The following CA10 variants were observed in gnomAD, a reference collection of about 807,000 sequenced individuals.
CA10 encodes carbonic anhydrase 10 (inactive), also known as carbonic anhydrase-related protein 10.
Under a neutral mutation model 44.2 loss-of-function variants are expected in CA10, and 14 were observed. The ratio of observed to expected loss-of-function variants is 0.32; its 90% CI spans 0.21 to 0.50. The LOEUF (loss-of-function observed/expected upper bound fraction) is 0.50. Among genes scored for constraint, CA10 ranks in the 20% least tolerant of loss-of-function variants. The pLI is 0.99. For synonymous variants in CA10, 159 were observed against 141.6 expected, an observed-to-expected ratio of 1.12 and a Z score of -0.87; for missense variants, 350 against 409.7, an observed-to-expected ratio of 0.85 and a Z score of 1.26.
At chr17:51,733,186 T>G (rs1254256383) in intron 4 of CA10, among the ~76,000 whole-genome samples, 1 of 152,204 alleles carries the variant, frequency 6.6e-6, no homozygotes, top group Non-Finnish European at 1.5e-5. Context: ...GGCTTAGTTA[T>G]ATGAATTTTT....
At chr17:52,048,163 G>C (rs1226646537) in intron 2 of CA10, among the ~76,000 whole-genome samples, 2 of 151,924 alleles carry the variant, frequency 1.3e-5, no homozygotes, top group African/African-American at 4.8e-5. Context: ...ATCTGCAAAA[G>C]TCTTAACTTT....
intron 3 of CA10, among the ~76,000 whole-genome samples, chr17:51,883,869 T>C (rs543419406): frequency 3.9e-5 from 6 of 152,274 alleles, no homozygotes; most frequent in Admixed American, 2.6e-4. Flanking sequence ...TACCTCCTAT[T>C]TGGGGTCTCC....
intron 3 of CA10, among the ~76,000 whole-genome samples, chr17:51,789,096 C>A (rs554697568): frequency 6.6e-6 from 1 of 152,102 alleles, no homozygotes; most frequent in African/African-American, 2.4e-5. Context: ...ATCACTGCAG[C>A]CTCTGCCTCC....
intron 2 of CA10, among the ~76,000 whole-genome samples, chr17:51,969,186 A>G (rs1306783941): frequency 6.6e-6 from 1 of 151,794 alleles, no homozygotes; most frequent in Non-Finnish European, 1.5e-5. Context: ...TCCACTCAAC[A>G]CTCCCACCAC....
intron 4 of CA10, among the ~76,000 whole-genome samples, chr17:51,654,193 G>A (rs559283692): frequency 1.3e-4 from 20 of 152,106 alleles, no homozygotes; most frequent in African/African-American, 4.8e-4. Context: ...CCATGACTGG[G>A]ATGAAACTGG....
chr17:51,722,618 C>A (rs1413527942), intron 4 of CA10, among the ~76,000 whole-genome samples: 2 of 152,154 alleles, frequency 1.3e-5, no homozygotes, highest in African/African-American at 4.8e-5. Flanking sequence ...TAACAGTGTG[C>A]CATGGACTTT....
intron 4 of CA10, among the ~76,000 whole-genome samples, chr17:51,727,997 C>T (rs1280071619): frequency 6.6e-6 from 1 of 152,048 alleles, no homozygotes; most frequent in Non-Finnish European, 1.5e-5. Context: ...GCAATCTTCC[C>T]ACCTCAGTCC....
chr17:51,652,242 C>T (rs1913600395), intron 5 of CA10, among the ~76,000 whole-genome samples: 1 of 152,166 alleles, frequency 6.6e-6, no homozygotes, highest in African/African-American at 2.4e-5. Flanking sequence ...CTGTAAGATA[C>T]AACACGAATG....
At chr17:51,713,302 T>C (rs1175433990) in intron 4 of CA10, among the ~76,000 whole-genome samples, 1 of 152,202 alleles carries the variant, frequency 6.6e-6, no homozygotes, top group African/African-American at 2.4e-5. Flanking sequence ...GAGCCTATAA[T>C]TGGCCATTTC....
intron 3 of CA10, among the ~76,000 whole-genome samples, chr17:51,749,570 T>C (rs1217640315): frequency 2.0e-5 from 3 of 152,244 alleles, no homozygotes; most frequent in African/African-American, 7.2e-5. Flanking sequence ...GGCTTGGAGC[T>C]AAATGATTAT....
chr17:51,708,173 C>T (rs936363435), intron 4 of CA10, among the ~76,000 whole-genome samples: 10 of 152,084 alleles, frequency 6.6e-5, no homozygotes, highest in African/African-American at 1.2e-4. Context: ...TCAGGAGCTT[C>T]GAAAGGAGGC....
chr17:51,935,298 T>A (rs123527), intron 2 of CA10, among the ~76,000 whole-genome samples: 82,540 of 152,032 alleles, frequency 0.54, 22,952 homozygotes, highest in African/African-American at 0.59. Flanking sequence ...GTTTAAACTT[T>A]TATTTTTAAA....
At chr17:51,655,595 A>G (rs1390296587) in intron 4 of CA10, among the ~76,000 whole-genome samples, 2 of 152,240 alleles carry the variant, frequency 1.3e-5, no homozygotes, top group African/African-American at 4.8e-5. Flanking sequence ...GTGCCTGTCT[A>G]TGCCTTCTCA....
intron 2 of CA10, among the ~76,000 whole-genome samples, chr17:51,954,249 C>T (rs1260429560): frequency 6.6e-6 from 1 of 152,150 alleles, no homozygotes; most frequent in South Asian, 2.1e-4. Context: ...CCAATGCTCC[C>T]TCTCCTAAAT....
At chr17:51,776,162 C>T (rs1905811898) in intron 3 of CA10, among the ~76,000 whole-genome samples, 1 of 152,064 alleles carries the variant, frequency 6.6e-6, no homozygotes, top group South Asian at 2.1e-4. Flanking sequence ...GAGTTTGATA[C>T]CAGCCTGACC....
intron 1 of CA10, among the ~76,000 whole-genome samples, chr17:52,096,713 A>C (rs1444513933): frequency 6.6e-6 from 1 of 152,040 alleles, no homozygotes; most frequent in African/African-American, 2.4e-5. Flanking sequence ...TTGAAGTTCT[A>C]CTCTGTATGC....
intron 2 of CA10, among the ~76,000 whole-genome samples, chr17:51,998,963 A>G (rs972561749): frequency 4.6e-5 from 7 of 152,030 alleles, no homozygotes; most frequent in African/African-American, 1.7e-4. Context: ...CTGACTCTCT[A>G]TTACCAACTT....
At position 52,123,748 on chromosome 17, in the gene CA10, G is replaced by A. The variant is rs1018128475; in HGVS notation, c.61+33978C>T. The stretch of plus-strand genomic sequence containing the variant: ...CCTGTGTGGCCTAATATCCTGCAGC[G>A]TTCTCCCTGGACAGACTCAATGCAT... On this transcript the variant is annotated intron_variant, in intron 1 of 8. Coordinates refer to ENST00000451037, the MANE Select transcript of CA10 (RefSeq NM_020178.5). Among the ~76,000 whole-genome samples the A allele has an allele frequency of 1.1e-4, 16 of 152,244 alleles. No homozygotes were observed. In the East Asian group the frequency reaches 1.2e-3, roughly 11 times the overall value.
intron 3 of CA10, among the ~76,000 whole-genome samples, chr17:51,915,845 T>G (rs1275329625): frequency 6.6e-6 from 1 of 152,152 alleles, no homozygotes; most frequent in Non-Finnish European, 1.5e-5. Flanking sequence ...AAGGAAAGCT[T>G]GGCAGTTGTC....
Sources: gnomAD v4.1 joint callset for allele counts (sites outside exome capture counted in the v4.1 genomes callset) on GRCh38, gnomAD v4.1.1 for gene constraint, MANE v1.5 for transcripts, NCBI Gene and HGNC (gene_info 2026-07-23, HGNC 2026-07-21) for gene names.